Variants in MREG observed in about 807,000 individuals in gnomAD.
MREG encodes the protein melanoregulin, also known as dilute suppressor protein homolog.
In MREG, 31 loss-of-function variants were observed where a neutral mutation model predicts 28.5. The ratio of observed to expected loss-of-function variants is 1.09; its 90% CI spans 0.82 to 1.47. The LOEUF is 1.47. Ranked by LOEUF, MREG falls within the 40% of genes most tolerant of loss-of-function variation. MREG has a pLI of 0.00. For missense variants in MREG, 256 were observed against 257.4 expected, an observed-to-expected ratio of 0.99 and a Z score of 0.04; for synonymous variants, 106 against 95.2, an observed-to-expected ratio of 1.11 and a Z score of -0.66.
At chr2:215,976,253 C>T (rs1465292031) in intron 2 of MREG, among the ~76,000 whole-genome samples, 2 of 152,226 alleles carry the variant, frequency 1.3e-5, no homozygotes, top group East Asian at 3.8e-4. Flanking sequence ...ATGCATCTTG[C>T]CTTCTATTCC....
chr2:215,949,071 AC>A lies in MREG; in HGVS notation c.256-1959del, dbSNP rs1692401772. 1.2e-3 allele frequency among the ~76,000 whole-genome samples: 164 copies of A among 139,478 alleles called. 1 individual carries two copies. The highest frequency in any genetic ancestry group is 3.3e-3 in the African/African-American group (126 of 37,884). 91.5% of individuals were successfully genotyped at this position (139,478 alleles called of 152,430 possible). A position where few individuals can be genotyped will look rare whatever the true frequency, so the allele number is the denominator to read the frequency against. ...TACTACTACTACTACTACTACTACTACTACTACTACTACTACTAATAATAAT... is the reference window on the plus strand; with the variant it reads ...TACTACTACTACTACTACTACTACTATACTACTACTACTACTAATAATAAT... On this transcript the variant is annotated intron_variant, in intron 2 of 4. Transcript: ENST00000263268.
chr2:215,960,634 G>A (rs1692755807), intron 2 of MREG, among the ~76,000 whole-genome samples: 2 of 148,956 alleles, frequency 1.3e-5, no homozygotes, highest in Admixed American at 1.3e-4. Flanking sequence ...AGGAGATCGA[G>A]ACCATTCTGG....
chr2:216,019,413 T>C (rs1383494420), intron 1 of MREG, among the ~76,000 whole-genome samples: 2 of 152,160 alleles, frequency 1.3e-5, no homozygotes, highest in African/African-American at 2.4e-5. Flanking sequence ...TGGCTTTGCC[T>C]CCCTGAAGAG....
chr2:215,991,388 A>G (rs1693715873), intron 2 of MREG, among the ~76,000 whole-genome samples: 1 of 152,220 alleles, frequency 6.6e-6, no homozygotes, highest in African/African-American at 2.4e-5. Context: ...ACTCAGCTAA[A>G]GCAGTGTTTA....
intron 2 of MREG, among the ~76,000 whole-genome samples, chr2:215,949,271 A>G (rs1190045427): frequency 1.3e-5 from 2 of 150,842 alleles, no homozygotes; most frequent in African/African-American, 4.9e-5. Flanking sequence ...AAAAAAAAAA[A>G]AAAGAGGGCC....
intron 2 of MREG, among the ~76,000 whole-genome samples, chr2:215,984,518 CAAAAAAA>C (rs375220091): frequency 1.6e-4 from 11 of 68,058 alleles, no homozygotes; most frequent in African/African-American, 4.8e-4. Context: ...ACCTTGTCAC[CAAAAAAA>C]AAAAAAAAAA....
At chr2:215,994,880 G>GAGAGAGAGAA (rs1449095612) in intron 2 of MREG, among the ~76,000 whole-genome samples, 1 of 151,952 alleles carries the variant, frequency 6.6e-6, no homozygotes, top group African/African-American at 2.4e-5. Flanking sequence ...GCCCTGGTGA[G>GAGAGAGAGAA]AGAGAGAGAA....
intron 2 of MREG, among the ~76,000 whole-genome samples, chr2:215,953,662 T>C (rs1559175011): frequency 6.6e-6 from 1 of 152,284 alleles, no homozygotes; most frequent in East Asian, 1.9e-4. Flanking sequence ...GTTGAAAGAA[T>C]CACAGAGATA....
At chr2:215,985,002 G>A (rs1693529487) in intron 2 of MREG, among the ~76,000 whole-genome samples, 1 of 152,226 alleles carries the variant, frequency 6.6e-6, no homozygotes, top group South Asian at 2.1e-4. Flanking sequence ...TATCTCTGGA[G>A]CCATAAAGCC....
upstream of MREG, among the ~76,000 whole-genome samples, chr2:216,016,931 AATTTT>A (rs1342151303): frequency 1.3e-5 from 2 of 152,228 alleles, no homozygotes; most frequent in African/African-American, 4.8e-5. Context: ...TTTTAAAATT[AATTTT>A]AAGTTCTAAA....
At chr2:216,007,698 G>C (rs905760636) in intron 1 of MREG, among the ~76,000 whole-genome samples, 1 of 151,418 alleles carries the variant, frequency 6.6e-6, no homozygotes, top group African/African-American at 2.4e-5. Flanking sequence ...CCGAAGTGCT[G>C]GGATTACAGG....
At chr2:215,963,362 G>A (rs1047740175) in intron 2 of MREG, among the ~76,000 whole-genome samples, 12 of 150,970 alleles carry the variant, frequency 7.9e-5, no homozygotes, top group Admixed American at 2.0e-4. Flanking sequence ...CCTGGGAGGC[G>A]GAGATTGCAG....
chr2:216,002,964 T>C (rs531543036), intron 1 of MREG, among the ~76,000 whole-genome samples: 1 of 151,500 alleles, frequency 6.6e-6, no homozygotes, highest in Non-Finnish European at 1.5e-5. Flanking sequence ...TCTCTTTCCT[T>C]CTCTCTCTCT....
At chr2:215,992,496 A>C (rs1693743209) in intron 2 of MREG, among the ~76,000 whole-genome samples, 1 of 152,246 alleles carries the variant, frequency 6.6e-6, no homozygotes, top group South Asian at 2.1e-4. Context: ...TCCCTTTGAA[A>C]ACCGGCACAA....
chr2:215,945,170 T>C (rs1009990850), intron 4 of MREG, among the ~76,000 whole-genome samples, 173 bp from the exon 5 acceptor site: 2 of 152,248 alleles, frequency 1.3e-5, no homozygotes, highest in Non-Finnish European at 2.9e-5. Context: ...AATCCTTTAG[T>C]TACATTATCC....
chr2:216,023,521 TATTTC>T (rs749067513), intron 1 of MREG, among the ~76,000 whole-genome samples: 92 of 152,376 alleles, frequency 6.0e-4, no homozygotes, highest in Admixed American at 2.7e-3. Flanking sequence ...ATTGTATTAC[TATTTC>T]ATTTCATCTT....
At chr2:215,965,470 C>G (rs532031158) in intron 2 of MREG, among the ~76,000 whole-genome samples, 1 of 152,250 alleles carries the variant, frequency 6.6e-6, no homozygotes, top group Admixed American at 6.5e-5. Context: ...CAGAGATAGG[C>G]AGGGGATACA....
At chr2:215,991,339 C>G (rs1693714884) in intron 2 of MREG, among the ~76,000 whole-genome samples, 1 of 152,094 alleles carries the variant, frequency 6.6e-6, no homozygotes, top group South Asian at 2.1e-4. Flanking sequence ...TTCTCTGAAA[C>G]CAATGAAAAC....
intron 2 of MREG, among the ~76,000 whole-genome samples, chr2:215,968,529 T>A (rs1693005838): frequency 6.6e-6 from 1 of 152,100 alleles, no homozygotes; most frequent in African/African-American, 2.4e-5. Context: ...TTCATTACCA[T>A]CTACTATCTC....
Sources: gnomAD v4.1 joint callset for allele counts (sites outside exome capture counted in the v4.1 genomes callset) on GRCh38, gnomAD v4.1.1 for gene constraint, MANE v1.5 for transcripts, NCBI Gene and HGNC (gene_info 2026-07-23, HGNC 2026-07-21) for gene names.